The following LUZP2 variants were observed in gnomAD, a reference collection of about 807,000 sequenced individuals.
The protein encoded by LUZP2 is leucine zipper protein 2.
LUZP2 carries 52 observed loss-of-function variants against 51.6 expected under a neutral mutation model. That is an observed-to-expected ratio of 1.01 (90% CI 0.81 to 1.27). LUZP2 has a LOEUF of 1.27. Ranked by LOEUF, LUZP2 falls within the 50% of genes most tolerant of loss-of-function variation. The pLI is 0.00. For synonymous variants in LUZP2, 154 were observed against 137.3 expected (o/e 1.12, Z -0.85); for missense variants, 436 against 395.4 (o/e 1.10, Z -0.87).
At chr11:24,993,543 T>A (rs1565201462) in intron 9 of LUZP2, among the ~76,000 whole-genome samples, 1 of 152,146 alleles carries the variant, frequency 6.6e-6, no homozygotes, top group Non-Finnish European at 1.5e-5. Context: ...GTATGATTAA[T>A]CATATACACA....
At chr11:24,770,505 A>C (rs983412814) in intron 5 of LUZP2, among the ~76,000 whole-genome samples, 7 of 152,076 alleles carry the variant, frequency 4.6e-5, no homozygotes, top group African/African-American at 1.7e-4. Context: ...AGTTTACTAC[A>C]ATTCTGGCTT....
At chr11:24,642,979 G>A (rs1258548268) in intron 1 of LUZP2, among the ~76,000 whole-genome samples, 1 of 152,080 alleles carries the variant, frequency 6.6e-6, no homozygotes, top group African/African-American at 2.4e-5. Flanking sequence ...GCCTCTTTGA[G>A]AAAGGATGTA....
chr11:24,991,015 G>T (rs945957892), intron 9 of LUZP2, among the ~76,000 whole-genome samples: 1 of 151,494 alleles, frequency 6.6e-6, no homozygotes, highest in Non-Finnish European at 1.5e-5. Context: ...GTGGTGTTTG[G>T]TTACATGAGT....
At chr11:24,935,697 T>C (rs2133840977) in intron 7 of LUZP2, among the ~76,000 whole-genome samples, 1 of 152,252 alleles carries the variant, frequency 6.6e-6, no homozygotes, top group Non-Finnish European at 1.5e-5. Context: ...AGTGAAAAAA[T>C]AGTAATTCAC....
chr11:24,566,903 TTATA>T (rs1367101668), intron 1 of LUZP2, among the ~76,000 whole-genome samples: 1 of 4,328 alleles, frequency 2.3e-4, no homozygotes, highest in African/African-American at 6.1e-4. Flanking sequence ...TTTATATATG[TTATA>T]TATATATATA....
intron 7 of LUZP2, among the ~76,000 whole-genome samples, chr11:24,942,381 C>T (rs1036340194): frequency 6.6e-6 from 1 of 152,054 alleles, no homozygotes; most frequent in Non-Finnish European, 1.5e-5. Flanking sequence ...TTTGGTCAGT[C>T]CTGAGTTTCA....
In LUZP2 at chr11:24,623,141, G is replaced by T. The variant is rs148097714; in HGVS notation, c.63-106028G>T. Among the ~76,000 whole-genome samples, 494 of 151,724 alleles carry T rather than the reference G, an allele frequency of 3.3e-3. 4 individuals are homozygous for T. The highest frequency in any genetic ancestry group is 0.012 in the African/African-American group (477 of 41,348). ...CAGAGAGATTGAGAGAGAGAAGCAGGCATTTACTGAACTCCCCCCCAAACA... is the reference window on the plus strand; with the variant it reads ...CAGAGAGATTGAGAGAGAGAAGCAGTCATTTACTGAACTCCCCCCCAAACA... On this transcript the variant is annotated intron_variant, in intron 1 of 11. Transcript: ENST00000336930.
At chr11:25,018,863 C>T (rs565834520) in intron 9 of LUZP2, among the ~76,000 whole-genome samples, 36 of 152,106 alleles carry the variant, frequency 2.4e-4, no homozygotes, top group Non-Finnish European at 2.5e-4. Flanking sequence ...CTGCCTCAGT[C>T]GCCCATAGTG....
chr11:25,030,091 C>T (rs1486136706), intron 9 of LUZP2, among the ~76,000 whole-genome samples: 40 of 152,068 alleles, frequency 2.6e-4, no homozygotes, highest in Non-Finnish European at 2.9e-5. Flanking sequence ...TTGTGTTTAT[C>T]GTTCCCAACC....
chr11:24,826,190 A>ATATATATATATAT (rs1554916354), intron 5 of LUZP2, among the ~76,000 whole-genome samples: 8 of 67,546 alleles, frequency 1.2e-4, no homozygotes, highest in Admixed American at 7.1e-4. Flanking sequence ...AAAAAAAAAA[A>ATATATATATATAT]ATATATATAT....
At chr11:24,649,519 C>T (rs1156463496) in intron 1 of LUZP2, among the ~76,000 whole-genome samples, 2 of 151,930 alleles carry the variant, frequency 1.3e-5, no homozygotes, top group East Asian at 3.9e-4. Context: ...TTTTCTTTTT[C>T]TAACAAAGTT....
At chr11:24,646,717 C>T in intron 1 of LUZP2, 1 of 460,146 alleles carries the variant, frequency 2.2e-6, no homozygotes, top group Non-Finnish European at 2.9e-6. Context: ...TAACTGTGTC[C>T]AGTAGTTTCT....
chr11:25,066,294 A>G (rs1223798434), intron 10 of LUZP2, among the ~76,000 whole-genome samples: 19 of 151,934 alleles, frequency 1.3e-4, no homozygotes, highest in Non-Finnish European at 4.4e-5. Flanking sequence ...AAGGGGAGGC[A>G]TGAGAGTTGG....
chr11:24,550,457 T>A (rs1851692403), intron 1 of LUZP2, among the ~76,000 whole-genome samples: 1 of 151,970 alleles, frequency 6.6e-6, no homozygotes. Flanking sequence ...ACTGGAAGAG[T>A]AATTAAATAT....
At chr11:25,035,361 G>A (rs1225875031) in intron 9 of LUZP2, among the ~76,000 whole-genome samples, 2 of 151,898 alleles carry the variant, frequency 1.3e-5, no homozygotes, top group Admixed American at 6.6e-5. Flanking sequence ...ATCAATGTAC[G>A]AAAATCAGTA....
chr11:24,842,181 G>A (rs1173718258), intron 5 of LUZP2, among the ~76,000 whole-genome samples: 1 of 148,692 alleles, frequency 6.7e-6, no homozygotes, highest in Non-Finnish European at 1.5e-5. Context: ...ACACAGAGGG[G>A]CATTATTTAA....
chr11:24,619,615 A>T (rs1342991980), intron 1 of LUZP2, among the ~76,000 whole-genome samples: 3 of 152,142 alleles, frequency 2.0e-5, no homozygotes, highest in Non-Finnish European at 4.4e-5. Flanking sequence ...ATCCCTCAGT[A>T]TTTATGTGTG....
intron 1 of LUZP2, among the ~76,000 whole-genome samples, chr11:24,619,005 ATT>A (rs1854395901): frequency 6.9e-6 from 1 of 143,948 alleles, no homozygotes; most frequent in Admixed American, 7.1e-5. Flanking sequence ...ACCACTTAGC[ATT>A]ATTTATTTAT....
At chr11:24,946,397 T>G (rs1030597356) in intron 7 of LUZP2, among the ~76,000 whole-genome samples, 1 of 151,992 alleles carries the variant, frequency 6.6e-6, no homozygotes, top group Non-Finnish European at 1.5e-5. Flanking sequence ...ATATGTCTCA[T>G]GACTATTTTG....
Sources: gnomAD v4.1 joint callset for allele counts (sites outside exome capture counted in the v4.1 genomes callset) on GRCh38, gnomAD v4.1.1 for gene constraint, MANE v1.5 for transcripts, NCBI Gene and HGNC (gene_info 2026-07-23, HGNC 2026-07-21) for gene names.